The following CD226 variants were observed in gnomAD, a reference collection of about 807,000 sequenced individuals.
CD226 encodes CD226 molecule.
Under a neutral mutation model 34.9 loss-of-function variants are expected in CD226, and 24 were observed. The ratio of observed to expected loss-of-function variants is 0.69; its 90% CI spans 0.50 to 0.97. The LOEUF (loss-of-function observed/expected upper bound fraction) is 0.97, where lower values mean the gene tolerates loss of function less well. CD226 is among the 50% of genes least tolerant of loss of function. The pLI is 0.00. For synonymous variants in CD226, 148 were observed against 147.4 expected (o/e 1.00, Z -0.03); for missense variants, 397 against 412.7 (o/e 0.96, Z 0.33).
At chr18:69,949,807 T>G (rs1247693676), upstream of CD226, among the ~76,000 whole-genome samples, 2 of 151,516 alleles carry the variant, frequency 1.3e-5, no homozygotes, top group African/African-American at 4.9e-5. Flanking sequence ...ATCACATGCA[T>G]GTGCACACAT....
At chr18:69,924,517 A>C (rs1645628097) in intron 2 of CD226, among the ~76,000 whole-genome samples, 1 of 151,668 alleles carries the variant, frequency 6.6e-6, no homozygotes, top group Non-Finnish European at 1.5e-5. Context: ...TATAGTTGAA[A>C]AGGTAAAAAT....
intron 4 of CD226, among the ~76,000 whole-genome samples, chr18:69,871,059 A>C (rs978988351): frequency 1.3e-5 from 2 of 152,220 alleles, no homozygotes; most frequent in African/African-American, 4.8e-5. Context: ...TATTCATGTA[A>C]AAGTAATGCA....
Position 69,895,998 on chromosome 18 carries a change from G to T in CD226, c.430C>A (p.Pro144Thr). ...CAAGTGAGTGTGACATTCTTTCCAG[G>T]TTCCGAAACAATGTGGCTATTTGAT... ...VPSNSHIVSE[P>T]GKNVTLTCQP... The change falls in exon 3 of 6, where the codon CCT (proline) becomes ACT (threonine). Residue 144 changes from proline (P) to threonine (T), a missense_variant. Transcript: ENST00000582621. The T allele has an allele frequency of 6.2e-7, 1 of 1,613,290 alleles. No individual in the cohort carries two copies.
intron 2 of CD226, among the ~76,000 whole-genome samples, chr18:69,927,363 TACACACACACACACACAC>T (rs147765877): frequency 1.4e-5 from 2 of 147,534 alleles, no homozygotes; most frequent in African/African-American, 4.9e-5. Context: ...ACTAAGACAC[TACACACACACACACACAC>T]ACACACAAAC....
intron 5 of CD226, among the ~76,000 whole-genome samples, chr18:69,865,597 G>A (rs546289109): frequency 8.5e-5 from 13 of 152,222 alleles, no homozygotes; most frequent in African/African-American, 3.1e-4. Flanking sequence ...GTATGACAGA[G>A]CACCAATTTA....
chr18:69,899,560 A>G (rs941753827), intron 2 of CD226, among the ~76,000 whole-genome samples: 3 of 152,218 alleles, frequency 2.0e-5, no homozygotes, highest in African/African-American at 7.2e-5. Flanking sequence ...TCCAGCATCT[A>G]TAAGGAAGTT....
chr18:69,867,981 G>T (rs907830494), intron 4 of CD226, among the ~76,000 whole-genome samples: 1 of 152,140 alleles, frequency 6.6e-6, no homozygotes, highest in Non-Finnish European at 1.5e-5. Context: ...TGTAGTGCTG[G>T]AATTTAAATC....
intron 5 of CD226, among the ~76,000 whole-genome samples, chr18:69,865,270 G>T (rs191791709): frequency 5.3e-5 from 8 of 152,122 alleles, no homozygotes; most frequent in Non-Finnish European, 8.8e-5. Flanking sequence ...GATTACAAGC[G>T]TGAGCCACCA....
chr18:69,907,618 T>C (rs1025346158), intron 2 of CD226, among the ~76,000 whole-genome samples: 5 of 152,130 alleles, frequency 3.3e-5, no homozygotes, highest in Non-Finnish European at 5.9e-5. Flanking sequence ...CCCTTGAATG[T>C]CTTCTTGATA....
rs184430831 is a variant in CD226, at chr18:69,899,130, C to T, written c.383-3085G>A. Among the ~76,000 whole-genome samples the T allele has an allele frequency of 1.7e-4, 26 of 152,310 alleles. No individual in the cohort carries two copies. The East Asian group carries it at 5.0e-3, about 29-fold the overall frequency. On this transcript the variant is annotated intron_variant, in intron 2 of 5. Transcript: ENST00000582621. ...TGGCTTCTCTGGCTTGACCACAAAT[C>T]ATCCTTGGAAATTATTTCAGTGCTT...
chr18:69,912,854 T>C (rs1381539734), intron 2 of CD226, among the ~76,000 whole-genome samples: 1 of 152,104 alleles, frequency 6.6e-6, no homozygotes, highest in Non-Finnish European at 1.5e-5. Flanking sequence ...AGTCTTTGGA[T>C]CTAATCACTT....
upstream of CD226, among the ~76,000 whole-genome samples, chr18:69,950,112 G>A (rs565052249): frequency 3.2e-4 from 48 of 151,452 alleles, no homozygotes; most frequent in Admixed American, 2.3e-3. Context: ...TCTCACACAT[G>A]CTCACATATG....
chr18:69,880,030 G>A (rs1211071632), intron 3 of CD226, among the ~76,000 whole-genome samples: 1 of 152,214 alleles, frequency 6.6e-6, no homozygotes, highest in African/African-American at 2.4e-5. Context: ...TATCTGGACA[G>A]TCGAACATGT....
At chr18:69,892,788 T>A (rs1984985181) in intron 3 of CD226, among the ~76,000 whole-genome samples, 1 of 152,096 alleles carries the variant, frequency 6.6e-6, no homozygotes, top group East Asian at 1.9e-4. Context: ...CATGTGTGTG[T>A]GTGTGTATGA....
chr18:69,880,653 C>CTA (rs1555678505), intron 3 of CD226, among the ~76,000 whole-genome samples: 1 of 138,318 alleles, frequency 7.2e-6, no homozygotes, highest in Non-Finnish European at 1.5e-5. Context: ...CTTAAGATTT[C>CTA]TTTTTTTTTT....
At chr18:69,926,786 C>G (rs2055527574) in intron 2 of CD226, among the ~76,000 whole-genome samples, 1 of 152,178 alleles carries the variant, frequency 6.6e-6, no homozygotes, top group Non-Finnish European at 1.5e-5. Flanking sequence ...TGAGTACTTT[C>G]TATACATGAG....
At chr18:69,954,002 A>C (rs1314767221) in intron 1 of CD226, among the ~76,000 whole-genome samples, 1 of 151,232 alleles carries the variant, frequency 6.6e-6, no homozygotes, top group Admixed American at 6.6e-5. Flanking sequence ...TCCGTTTCAA[A>C]AAAAAAAAAA....
At chr18:69,891,561 T>C (rs551122605) in intron 3 of CD226, among the ~76,000 whole-genome samples, 7 of 152,306 alleles carry the variant, frequency 4.6e-5, no homozygotes, top group African/African-American at 1.7e-4. Context: ...TGTTTGCCGA[T>C]GACATAATCA....
intron 5 of CD226, among the ~76,000 whole-genome samples, chr18:69,864,647 T>C (rs1316614564): frequency 6.6e-6 from 1 of 152,260 alleles, no homozygotes; most frequent in East Asian, 1.9e-4. Context: ...TCTAGATTAA[T>C]ACTTGCTGTA....
Sources: gnomAD v4.1 joint callset for allele counts (sites outside exome capture counted in the v4.1 genomes callset) on GRCh38, gnomAD v4.1.1 for gene constraint, MANE v1.5 for transcripts, NCBI Gene and HGNC (gene_info 2026-07-23, HGNC 2026-07-21) for gene names.